Variants in HIPK2 observed in about 807,000 individuals in gnomAD.
HIPK2 encodes the protein homeodomain-interacting protein kinase 2.
HIPK2 carries 27 observed loss-of-function variants against 113.7 expected under a neutral mutation model. The observed-to-expected ratio is 0.24, with a 90% confidence interval of 0.17 to 0.33. The LOEUF (loss-of-function observed/expected upper bound fraction) is 0.33, where lower values mean the gene tolerates loss of function less well. Ranked by LOEUF, HIPK2 falls within the 10% of genes least tolerant of loss-of-function variation. The probability of loss-of-function intolerance (pLI) is 1.00; values close to 1 mark genes in which losing one functional copy is unlikely to be tolerated. For synonymous variants in HIPK2, 631 were observed against 642.2 expected (o/e 0.98, Z 0.26); for missense variants, 1,257 against 1,588.0 (o/e 0.79, Z 3.54).
intron 1 of HIPK2, among the ~76,000 whole-genome samples, chr7:139,718,382 T>A (rs1795310663): frequency 6.6e-6 from 1 of 152,168 alleles, no homozygotes; most frequent in Admixed American, 6.5e-5. Context: ...TCCTTTCCAC[T>A]CCATCAACCA....
At chr7:139,581,207 G>A (rs113503898) in intron 13 of HIPK2, among the ~76,000 whole-genome samples, 2 of 152,190 alleles carry the variant, frequency 1.3e-5, no homozygotes, top group African/African-American at 4.8e-5. Context: ...GTGACACAGC[G>A]AGACTCCTCT....
intron 9 of HIPK2, among the ~76,000 whole-genome samples, chr7:139,609,898 T>C (rs1585272441): frequency 6.6e-6 from 1 of 152,240 alleles, no homozygotes; most frequent in South Asian, 2.1e-4. Flanking sequence ...GGCTACATGG[T>C]GTTCCATTTT....
chr7:139,624,711 ACAT>A (rs1446076820), intron 6 of HIPK2, among the ~76,000 whole-genome samples: 4 of 152,118 alleles, frequency 2.6e-5, no homozygotes, highest in African/African-American at 7.2e-5. Flanking sequence ...TCTCCAATAG[ACAT>A]CATTCTGGAT....
intron 13 of HIPK2, 24 bp downstream of exon 13, chr7:139,583,793 T>TGCCCTGCC: frequency 6.2e-7 from 1 of 1,602,022 alleles, no homozygotes; most frequent in Non-Finnish European, 8.5e-7. Context: ...GAGAGGTTCC[T>TGCCCTGCC]GCCCTGTCCT....
intron 2 of HIPK2, among the ~76,000 whole-genome samples, chr7:139,646,499 TAAAAA>T (rs57503855): frequency 4.2e-5 from 5 of 119,920 alleles, no homozygotes; most frequent in African/African-American, 1.3e-4. Context: ...GACCTTGTCT[TAAAAA>T]AAAAAAAAAA....
intron 1 of HIPK2, among the ~76,000 whole-genome samples, chr7:139,747,809 C>T (rs965477186): frequency 6.6e-6 from 1 of 152,328 alleles, no homozygotes; most frequent in African/African-American, 2.4e-5. Context: ...TACTGACCAA[C>T]ACATAGAATT....
chr7:139,774,145 T>C (rs1206136705), intron 1 of HIPK2, among the ~76,000 whole-genome samples: 6 of 152,216 alleles, frequency 3.9e-5, no homozygotes, highest in Non-Finnish European at 7.3e-5. Flanking sequence ...GAAATGTTGC[T>C]ATTATTGGTT....
At chr7:139,589,874 C>G (rs944662562) in intron 12 of HIPK2, among the ~76,000 whole-genome samples, 1 of 152,184 alleles carries the variant, frequency 6.6e-6, no homozygotes, top group African/African-American at 2.4e-5. Flanking sequence ...CAAATATGTA[C>G]GGCACAGCTT....
intron 9 of HIPK2, among the ~76,000 whole-genome samples, chr7:139,604,491 C>T (rs1451103209): frequency 6.6e-6 from 1 of 151,934 alleles, no homozygotes; most frequent in Non-Finnish European, 1.5e-5. Context: ...ACCATCCTGG[C>T]TAACACAGTG....
At chr7:139,745,109 AAGG>A (rs1796168504) in intron 1 of HIPK2, among the ~76,000 whole-genome samples, 1 of 152,206 alleles carries the variant, frequency 6.6e-6, no homozygotes, top group African/African-American at 2.4e-5. Flanking sequence ...CAAAAGGTAG[AAGG>A]AGTTCACCCG....
chr7:139,689,756 C>A (rs189998839), intron 2 of HIPK2, among the ~76,000 whole-genome samples: 1 of 152,170 alleles, frequency 6.6e-6, no homozygotes, highest in African/African-American at 2.4e-5. Context: ...CTATGGCTTG[C>A]GCTTTGCTTG....
chr7:139,614,294 C>T lies in HIPK2; in HGVS notation c.1982G>A (p.Gly661Asp). Residue 661 changes from glycine to aspartate, a missense_variant, in exon 8 of 15, where the codon GGC (glycine) becomes GAC (aspartate). By Grantham distance (94) the Gly-to-Asp change is moderately conservative. Transcript: ENST00000406875. ...FQQALIVCPP[G>D]FQGLQASPSK... ...TGGCTGCTCAATCTTACCTTGGAAG[C>T]CGGGGGGACACACGATGAGAGCTTG... The T allele has an allele frequency of 4.0e-6, 6 of 1,504,444 alleles. No individual in the cohort carries two copies. The highest frequency in any genetic ancestry group is 1.3e-5 in the South Asian group (1 of 77,412). The allele number at this position is 1,504,444 out of a possible 1,614,324, so 93.2% of individuals were successfully genotyped here.
chr7:139,595,162 A>G (rs1332150015), intron 12 of HIPK2, among the ~76,000 whole-genome samples: 3 of 152,128 alleles, frequency 2.0e-5, no homozygotes, highest in Admixed American at 2.0e-4. Context: ...TCAGATTTTA[A>G]ATTGCTTTTG....
At chr7:139,711,422 C>T (rs1457103916) in intron 2 of HIPK2, among the ~76,000 whole-genome samples, 3 of 151,228 alleles carry the variant, frequency 2.0e-5, no homozygotes, top group African/African-American at 2.4e-5. Flanking sequence ...AGCAAGACTC[C>T]GTCTCAAAAA....
intron 6 of HIPK2, among the ~76,000 whole-genome samples, chr7:139,621,634 A>G (rs1413522027): frequency 6.6e-6 from 1 of 152,240 alleles, no homozygotes; most frequent in Non-Finnish European, 1.5e-5. Flanking sequence ...TCAAGATAAT[A>G]AAATCCCTTT....
At chr7:139,647,064 C>T (rs1190563947) in intron 2 of HIPK2, among the ~76,000 whole-genome samples, 1 of 152,088 alleles carries the variant, frequency 6.6e-6, no homozygotes, top group African/African-American at 2.4e-5. Flanking sequence ...ATTCCTACAA[C>T]GCTAACTATG....
At chr7:139,618,570 A>G (rs776395789) in intron 7 of HIPK2, among the ~76,000 whole-genome samples, 14 of 152,162 alleles carry the variant, frequency 9.2e-5, no homozygotes, top group Non-Finnish European at 1.9e-4. Context: ...CTGCCTTTTG[A>G]TGAGCAACCC....
At chr7:139,667,007 G>C (rs1228167438) in intron 2 of HIPK2, among the ~76,000 whole-genome samples, 1 of 151,914 alleles carries the variant, frequency 6.6e-6, no homozygotes, top group Non-Finnish European at 1.5e-5. Context: ...AGAGGTTGCA[G>C]TGAGCCGAGA....
chr7:139,760,504 A>C (rs1356368139), intron 1 of HIPK2, among the ~76,000 whole-genome samples: 1 of 152,240 alleles, frequency 6.6e-6, no homozygotes, highest in Non-Finnish European at 1.5e-5. Context: ...CCTTAGTGGA[A>C]TGCATTTTAA....
Sources: gnomAD v4.1 joint callset for allele counts (sites outside exome capture counted in the v4.1 genomes callset) on GRCh38, gnomAD v4.1.1 for gene constraint, MANE v1.5 for transcripts, NCBI Gene and HGNC (gene_info 2026-07-23, HGNC 2026-07-21) for gene names.